Variants in DLGAP2 observed in about 807,000 individuals in gnomAD.
DLGAP2 encodes the protein disks large-associated protein 2.
In DLGAP2, 26 loss-of-function variants were observed where a neutral mutation model predicts 100.3. The ratio of observed to expected loss-of-function variants is 0.26; its 90% CI spans 0.19 to 0.36. The LOEUF is 0.36. Ranked by LOEUF, DLGAP2 falls within the 10% of genes least tolerant of loss-of-function variation. DLGAP2 has a pLI of 1.00. For synonymous variants in DLGAP2, 886 were observed against 630.1 expected (o/e 1.41, Z -6.08); for missense variants, 1,858 against 1,453.2 (o/e 1.28, Z -4.53).
intron 2 of DLGAP2, among the ~76,000 whole-genome samples, chr8:1,084,544 C>T (rs897435019): frequency 6.6e-6 from 1 of 152,200 alleles, no homozygotes; most frequent in Non-Finnish European, 1.5e-5. Context: ...CCACATCCCC[C>T]AGCCTCGGGT....
rs146461970 is a variant in DLGAP2, at chr8:899,966, C to T, written c.19-7946C>T. ...GCGGGAACAGCGAGAATCACCATCC[C>T]AGAAGGCAGAAGACATGGAGGATGG... is the stretch of plus-strand genomic sequence containing the variant. On this transcript the variant is annotated intron_variant, in intron 1 of 14. Transcript: ENST00000637795. Among the ~76,000 whole-genome samples, 229 of 152,362 alleles carry T rather than the reference C, an allele frequency of 1.5e-3. 1 individual carries two copies. The highest frequency in any genetic ancestry group is 5.4e-3 in the African/African-American group (223 of 41,586).
At chr8:915,906 A>G (rs1359493233) in intron 2 of DLGAP2, among the ~76,000 whole-genome samples, 1 of 150,716 alleles carries the variant, frequency 6.6e-6, no homozygotes, top group Admixed American at 6.6e-5. Context: ...TGTGTTAACC[A>G]TGAGTCCTCC....
chr8:1,360,116 G>T (rs1801946328), intron 3 of DLGAP2, among the ~76,000 whole-genome samples: 1 of 152,042 alleles, frequency 6.6e-6, no homozygotes, highest in East Asian at 1.9e-4. Flanking sequence ...GAGGAGAGCG[G>T]GTTGCAGGGA....
chr8:1,238,715 A>G lies in DLGAP2; in HGVS notation c.74-20136A>G, dbSNP rs369108777. 2.7e-3 allele frequency among the ~76,000 whole-genome samples: 158 copies of G among 58,800 alleles called. No homozygotes were observed. In the East Asian group the frequency reaches 0.036, roughly 13 times the overall value. The allele number at this position is 58,800 out of a possible 152,430, so 38.6% of individuals were successfully genotyped here. ...CTAGTTCTCTCTCACACAGAGCATCATGTCTAGTTCTCTCACATGGCGCCA... is the reference window on the plus strand; with the variant it reads ...CTAGTTCTCTCTCACACAGAGCATCGTGTCTAGTTCTCTCACATGGCGCCA... On this transcript the variant is annotated intron_variant, in intron 2 of 14. Coordinates refer to ENST00000637795, the MANE Select transcript of DLGAP2 (RefSeq NM_001346810.2).
At chr8:1,547,509 A>G (rs578156634) in intron 4 of DLGAP2, among the ~76,000 whole-genome samples, 4 of 152,050 alleles carry the variant, frequency 2.6e-5, no homozygotes, top group East Asian at 3.9e-4. Context: ...GAGGAGGCAG[A>G]TGTGGGGTTG....
intron 3 of DLGAP2, among the ~76,000 whole-genome samples, chr8:1,366,361 C>A (rs1441323965): frequency 6.6e-6 from 1 of 152,216 alleles, no homozygotes; most frequent in African/African-American, 2.4e-5. Context: ...AGGGGCTGCA[C>A]ACCCAGGGAC....
At chr8:1,474,092 C>T (rs1405673565) in intron 3 of DLGAP2, among the ~76,000 whole-genome samples, 1 of 152,142 alleles carries the variant, frequency 6.6e-6, no homozygotes, top group South Asian at 2.1e-4. Flanking sequence ...CCTTTGCATC[C>T]TCATCGTTTA....
intron 3 of DLGAP2, among the ~76,000 whole-genome samples, chr8:1,436,926 TACAGTCTTCAGTGCA>T (rs1194057242): frequency 1.3e-5 from 2 of 152,280 alleles, no homozygotes; most frequent in Non-Finnish European, 2.9e-5. Context: ...TACAGTTTTC[TACAGTCTTCAGTGCA>T]GTCACACGCT....
At chr8:1,565,615 A>G in intron 5 of DLGAP2, 68 bp from the exon 6 acceptor site, 1 of 1,312,080 alleles carries the variant, frequency 7.6e-7, no homozygotes, top group Non-Finnish European at 1.1e-6. Flanking sequence ...ATTTGTTTCC[A>G]AAAAGGAGCT....
chr8:1,021,240 C>A (rs565309398), intron 2 of DLGAP2, among the ~76,000 whole-genome samples: 1 of 152,126 alleles, frequency 6.6e-6, no homozygotes, highest in Admixed American at 6.5e-5. Context: ...AAGGATGGAA[C>A]GCATAGATTT....
At chr8:1,616,793 ACT>A (rs1299263008) in intron 6 of DLGAP2, among the ~76,000 whole-genome samples, 1 of 45,796 alleles carries the variant, frequency 2.2e-5, no homozygotes, top group Non-Finnish European at 4.1e-5. Context: ...ATTTAGGTAA[ACT>A]CACGTCATGT....
At chr8:748,416 A>G (rs1339144916) in intron 1 of DLGAP2, among the ~76,000 whole-genome samples, 3 of 152,022 alleles carry the variant, frequency 2.0e-5, no homozygotes, top group Non-Finnish European at 4.4e-5. Context: ...CCACGTAGCC[A>G]CAGGGGTGCA....
At chr8:1,062,500 A>T (rs1803115634) in intron 2 of DLGAP2, among the ~76,000 whole-genome samples, 1 of 152,148 alleles carries the variant, frequency 6.6e-6, no homozygotes, top group South Asian at 2.1e-4. Flanking sequence ...TAAGTCAAGG[A>T]TGACTCATTT....
At chr8:840,334 T>C (rs71516116) in intron 1 of DLGAP2, among the ~76,000 whole-genome samples, 1,235 of 17,142 alleles carry the variant, frequency 0.072, 13 homozygotes, top group African/African-American at 0.086. Context: ...TCCCCACACT[T>C]TGGATTCTGC....
chr8:1,678,121 T>A lies in DLGAP2; in HGVS notation c.2289-93T>A, dbSNP rs1190427688. 2.1e-6 allele frequency: 3 copies of A among 1,433,200 alleles called. No homozygotes were observed. In the African/African-American group the frequency reaches 4.2e-5, roughly 20 times the overall value. The allele number at this position is 1,433,200 out of a possible 1,614,324, so 88.8% of individuals were successfully genotyped here. On this transcript the variant is annotated intron_variant, in intron 11 of 14. Transcript: ENST00000637795. ...CCCTTGAGCCGCCAGGCTGTTGAGC[T>A]CAGGTGCGCTCCTGACAGGCGACAT...
chr8:1,613,368 A>T (rs1042945464), intron 6 of DLGAP2, among the ~76,000 whole-genome samples: 1 of 151,688 alleles, frequency 6.6e-6, no homozygotes, highest in Admixed American at 6.6e-5. Flanking sequence ...CAGGAAGGGG[A>T]ACATCACACT....
intron 2 of DLGAP2, among the ~76,000 whole-genome samples, chr8:980,059 G>A (rs1383547765): frequency 6.6e-6 from 1 of 152,206 alleles, no homozygotes; most frequent in African/African-American, 2.4e-5. Context: ...TTCAGTGACT[G>A]GGAAAACGAT....
intron 1 of DLGAP2, among the ~76,000 whole-genome samples, chr8:844,648 A>G (rs1417739187): frequency 2.0e-5 from 3 of 152,202 alleles, no homozygotes; most frequent in African/African-American, 7.2e-5. Context: ...TCCAAACCAC[A>G]TGGATTAGTT....
intron 3 of DLGAP2, among the ~76,000 whole-genome samples, chr8:1,361,243 C>G (rs983024188): frequency 1.3e-5 from 2 of 152,148 alleles, no homozygotes; most frequent in African/African-American, 4.8e-5. Flanking sequence ...AGGTGACTCC[C>G]CAAGGACAGC....
Sources: gnomAD v4.1 joint callset for allele counts (sites outside exome capture counted in the v4.1 genomes callset) on GRCh38, gnomAD v4.1.1 for gene constraint, MANE v1.5 for transcripts, NCBI Gene and HGNC (gene_info 2026-07-23, HGNC 2026-07-21) for gene names.